CDH23: variants seen among roughly 807,000 people sequenced by gnomAD.
CDH23 encodes cadherin-23.
CDH23 carries 189 observed loss-of-function variants against 317.1 expected under a neutral mutation model. The ratio of observed to expected loss-of-function variants is 0.60; its 90% CI spans 0.53 to 0.67. The LOEUF (loss-of-function observed/expected upper bound fraction) is 0.67. CDH23 is among the 30% of genes least tolerant of loss of function. The pLI, the probability that CDH23 is intolerant of heterozygous loss-of-function variation, is 0.00. For missense variants in CDH23, 4,401 were observed against 4,592.4 expected, an observed-to-expected ratio of 0.96 and a Z score of 1.20; for synonymous variants, 1,839 against 1,876.8, an observed-to-expected ratio of 0.98 and a Z score of 0.52.
At chr10:71,734,519 A>G in intron 33 of CDH23, 137 bp from the exon 34 acceptor site, 4 of 1,597,744 alleles carry the variant, frequency 2.5e-6, no homozygotes, top group Non-Finnish European at 3.4e-6. Flanking sequence ...TTGGGCTAGG[A>G]TGAGACCTCA....
intron 2 of CDH23, among the ~76,000 whole-genome samples, chr10:71,446,103 T>C (rs1850151873): frequency 6.6e-6 from 1 of 152,182 alleles, no homozygotes; most frequent in South Asian, 2.1e-4. Context: ...GCCGGTGGCC[T>C]CACTTGCCAC....
chr10:71,619,198 G>A (rs1861343260), intron 11 of CDH23, among the ~76,000 whole-genome samples: 1 of 152,002 alleles, frequency 6.6e-6, no homozygotes, highest in African/African-American at 2.4e-5. Context: ...AGCCAGGCAT[G>A]ATGGTGTGCA....
At chr10:71,441,314 C>T (rs1035767240) in intron 2 of CDH23, among the ~76,000 whole-genome samples, 8 of 152,114 alleles carry the variant, frequency 5.3e-5, no homozygotes, top group Non-Finnish European at 8.8e-5. Context: ...CCTCCATGTT[C>T]GCTGCACGGT....
At chr10:71,632,797 C>T (rs1862076646) in intron 11 of CDH23, among the ~76,000 whole-genome samples, 1 of 152,222 alleles carries the variant, frequency 6.6e-6, no homozygotes, top group Admixed American at 6.5e-5. Context: ...GATCCTCTCT[C>T]CCTGTCTCTC....
chr10:71,487,237 G>T (rs1040456072), intron 3 of CDH23, among the ~76,000 whole-genome samples: 4 of 152,210 alleles, frequency 2.6e-5, no homozygotes, highest in Non-Finnish European at 4.4e-5. Context: ...GTAAAAAAGA[G>T]AAATAAAGTG....
intron 7 of CDH23, among the ~76,000 whole-genome samples, chr10:71,567,242 A>G (rs922015172): frequency 1.3e-5 from 2 of 152,160 alleles, no homozygotes; most frequent in African/African-American, 4.8e-5. Flanking sequence ...GTGACTTTCC[A>G]TGGTCACCCA....
chr10:71,414,110 G>A (rs1848443716), intron 1 of CDH23, among the ~76,000 whole-genome samples: 2 of 150,068 alleles, frequency 1.3e-5, no homozygotes, highest in African/African-American at 2.5e-5. Context: ...TTGCATGTAT[G>A]ATCATGTCTT....
At chr10:71,523,826 C>T (rs990862018) in intron 6 of CDH23, among the ~76,000 whole-genome samples, 20 of 152,156 alleles carry the variant, frequency 1.3e-4, no homozygotes, top group Admixed American at 6.5e-4. Flanking sequence ...ACCAGAAGCC[C>T]GGAAGGCTGG....
rs187909075 is a variant in CDH23, at chr10:71,507,110, A to T, written c.146-2972A>T. 2.8e-3 allele frequency among the ~76,000 whole-genome samples: 433 copies of T among 152,178 alleles called. 1 individual carries two copies. The highest frequency in any genetic ancestry group is 5.4e-3 in the Non-Finnish European group (365 of 68,016). On this transcript the variant is annotated intron_variant, in intron 3 of 69. Coordinates refer to ENST00000224721, the MANE Select transcript of CDH23 (RefSeq NM_022124.6). ...TGGCCAGCTGGGAGCTTGGCCCCAG[A>T]TCCTCCACCTGGGCTGGGCCCTGAG... is the stretch of plus-strand genomic sequence containing the variant.
At chr10:71,666,470 G>C (rs991039713) in intron 14 of CDH23, among the ~76,000 whole-genome samples, 5 of 152,134 alleles carry the variant, frequency 3.3e-5, no homozygotes, top group African/African-American at 1.2e-4. Flanking sequence ...GGCACTCAGA[G>C]AGCAGCTTCC....
At chr10:71,582,989 G>A (rs529449342) in intron 9 of CDH23, among the ~76,000 whole-genome samples, 50 of 152,330 alleles carry the variant, frequency 3.3e-4, no homozygotes, top group African/African-American at 1.2e-3. Context: ...ACTTCTGTGT[G>A]TGTTCAAAAA....
In CDH23 at chr10:71,761,782, G is replaced by A. The variant is rs774766684; in HGVS notation, c.4846-15898G>A. ...CGTGGCGCTGAGCCAGGTCGTGGCTGGTGTTGGCAGCCTGGTGGCCTCCAT... is the reference window on the plus strand; with the variant it reads ...CGTGGCGCTGAGCCAGGTCGTGGCTAGTGTTGGCAGCCTGGTGGCCTCCAT... On this transcript the variant is annotated intron_variant, in intron 38 of 69. Coordinates refer to ENST00000224721, the MANE Select transcript of CDH23 (RefSeq NM_022124.6). 5 of 1,614,056 alleles carry A rather than the reference G, an allele frequency of 3.1e-6. No individual in the cohort carries two copies. In the African/African-American group the frequency reaches 4.0e-5, roughly 13 times the overall value.
At chr10:71,530,878 T>C (rs1174039781) in intron 6 of CDH23, among the ~76,000 whole-genome samples, 2 of 152,176 alleles carry the variant, frequency 1.3e-5, no homozygotes, top group Non-Finnish European at 2.9e-5. Flanking sequence ...TCCCATCATG[T>C]AGATAAAAAA....
intron 14 of CDH23, among the ~76,000 whole-genome samples, chr10:71,672,777 C>A (rs1322422943): frequency 6.6e-6 from 1 of 152,164 alleles, no homozygotes; most frequent in Non-Finnish European, 1.5e-5. Context: ...CTGCTCCAGG[C>A]CCCAGGGTGA....
At chr10:71,529,124 G>C (rs2132254453) in intron 6 of CDH23, among the ~76,000 whole-genome samples, 1 of 152,318 alleles carries the variant, frequency 6.6e-6, no homozygotes, top group East Asian at 1.9e-4. Flanking sequence ...CTGAGCATTT[G>C]TTAAAATGTG....
At chr10:71,774,542 C>T (rs185308144) in intron 38 of CDH23, among the ~76,000 whole-genome samples, 12 of 152,342 alleles carry the variant, frequency 7.9e-5, no homozygotes, top group Admixed American at 3.3e-4. Context: ...AACTACAAAC[C>T]TCTCTCTGAT....
intron 9 of CDH23, among the ~76,000 whole-genome samples, chr10:71,611,729 C>T (rs1328086018): frequency 6.6e-6 from 1 of 152,136 alleles, no homozygotes; most frequent in African/African-American, 2.4e-5. Context: ...TAATCTTAAC[C>T]ATTTCTTTTC....
chr10:71,647,009 G>A lies in CDH23; in HGVS notation c.1449+392G>A, dbSNP rs183848251. ...AGGCACCAGAGAGGGGCAGGCGCCT[G>A]GAGGGTACCGGGGCACCCCCAGCTG... On this transcript the variant is annotated intron_variant, in intron 14 of 69. Transcript: ENST00000224721. The A allele has an allele frequency of 5.1e-6, 5 of 985,410 alleles. No individual in the cohort carries two copies. In the East Asian group the frequency reaches 3.4e-4, roughly 67 times the overall value. The allele number at this position is 985,410 out of a possible 1,614,324, so 61.0% of individuals were successfully genotyped here.
At chr10:71,483,416 T>C (rs1018341091) in intron 3 of CDH23, among the ~76,000 whole-genome samples, 21 of 152,216 alleles carry the variant, frequency 1.4e-4, no homozygotes, top group African/African-American at 5.1e-4. Flanking sequence ...TAACAACCAG[T>C]GTGGCTATTC....
Sources: gnomAD v4.1 joint callset for allele counts (sites outside exome capture counted in the v4.1 genomes callset) on GRCh38, gnomAD v4.1.1 for gene constraint, MANE v1.5 for transcripts, NCBI Gene and HGNC (gene_info 2026-07-23, HGNC 2026-07-21) for gene names.